The following CD226 variants were observed in gnomAD, a reference collection of about 807,000 sequenced individuals.
CD226 encodes the protein CD226 molecule, also known as CD226 antigen.
A neutral mutation model predicts 34.9 loss-of-function variants in CD226; 24 were observed. The ratio of observed to expected loss-of-function variants is 0.69; its 90% CI spans 0.50 to 0.97. The LOEUF is 0.97. Among genes scored for constraint, CD226 ranks in the 50% least tolerant of loss-of-function variants. The pLI is 0.00. For synonymous variants in CD226, 148 were observed against 147.4 expected (o/e 1.00, Z -0.03); for missense variants, 397 against 412.7 (o/e 0.96, Z 0.33).
At chr18:69,887,545 T>C (rs1315546083) in intron 3 of CD226, among the ~76,000 whole-genome samples, 1 of 152,236 alleles carries the variant, frequency 6.6e-6, no homozygotes, top group Non-Finnish European at 1.5e-5. Context: ...GCATCTACTT[T>C]TTATTTTACC....
intron 1 of CD226, chr18:69,956,495 C>A (rs1019208439): frequency 6.6e-6 from 1 of 152,170 alleles, no homozygotes; most frequent in African/African-American, 2.4e-5. Flanking sequence ...ACGATCAGAT[C>A]TATTATAAAT....
At position 69,862,084 on chromosome 18, in the gene CD226, G is replaced by A. The variant is rs1982858944; in HGVS notation, c.*2230C>T. On this transcript the variant is annotated 3_prime_UTR_variant, in exon 6 of 6. Transcript: ENST00000582621. ...AGAGACAAGTTCCAAATGTTCTGGAGGCTTTGCAATACTGCAGTGGTTTGC... is the reference window on the plus strand; with the variant it reads ...AGAGACAAGTTCCAAATGTTCTGGAAGCTTTGCAATACTGCAGTGGTTTGC... The A allele has an allele frequency of 6.6e-6, 1 of 152,114 alleles. No homozygotes were observed. The highest frequency in any genetic ancestry group is 2.4e-5 in the African/African-American group (1 of 41,428). 9.4% of individuals were successfully genotyped at this position (152,114 alleles called of 1,614,324 possible).
At chr18:69,955,286 A>C (rs961226111) in intron 1 of CD226, among the ~76,000 whole-genome samples, 1 of 152,140 alleles carries the variant, frequency 6.6e-6, no homozygotes, top group Admixed American at 6.5e-5. Context: ...GGAGTCTCCT[A>C]GTGTCTACTC....
At chr18:69,959,610 T>C (rs1264005189), upstream of CD226, among the ~76,000 whole-genome samples, 1 of 150,698 alleles carries the variant, frequency 6.6e-6, no homozygotes, top group East Asian at 2.0e-4. Flanking sequence ...TTTCTCTTTA[T>C]AGGAAAATTC....
At chr18:69,898,587 A>G (rs1016935742) in intron 2 of CD226, among the ~76,000 whole-genome samples, 1 of 152,180 alleles carries the variant, frequency 6.6e-6, no homozygotes, top group Non-Finnish European at 1.5e-5. Context: ...CCGCCTCTCA[A>G]TAGACTCAGC....
chr18:69,907,498 T>A (rs2055270195), intron 2 of CD226, among the ~76,000 whole-genome samples: 2 of 152,078 alleles, frequency 1.3e-5, no homozygotes, highest in Admixed American at 1.3e-4. Context: ...TTAGTAGAGA[T>A]GGGGTTTTGC....
At chr18:69,957,572 T>C (rs1380833340), upstream of CD226, among the ~76,000 whole-genome samples, 2 of 152,136 alleles carry the variant, frequency 1.3e-5, no homozygotes, top group Non-Finnish European at 2.9e-5. Flanking sequence ...GCTGAGGCTT[T>C]AGTGTGTAAA....
intron 2 of CD226, among the ~76,000 whole-genome samples, chr18:69,914,762 T>C (rs1457404832): frequency 2.0e-5 from 3 of 152,238 alleles, no homozygotes; most frequent in African/African-American, 7.2e-5. Context: ...TCCCAAATTC[T>C]GAGCCAAATC....
chr18:69,960,531 C>A (rs2055925155), upstream of CD226, among the ~76,000 whole-genome samples: 1 of 152,218 alleles, frequency 6.6e-6, no homozygotes, highest in African/African-American at 2.4e-5. Flanking sequence ...CTCACTGCAA[C>A]CTCCACTACC....
chr18:69,919,043 T>C (rs2055419356), intron 2 of CD226, among the ~76,000 whole-genome samples: 1 of 152,062 alleles, frequency 6.6e-6, no homozygotes, highest in Non-Finnish European at 1.5e-5. Context: ...TAGGAAATAA[T>C]GTCACTGCCA....
chr18:69,940,182 C>T (rs2055705848), intron 2 of CD226, among the ~76,000 whole-genome samples: 1 of 152,182 alleles, frequency 6.6e-6, no homozygotes, highest in Admixed American at 6.5e-5. Flanking sequence ...CTTCCCCTTC[C>T]ACCATGATTG....
At chr18:69,938,657 CATAAAAATTTG>C (rs2055685000) in intron 2 of CD226, among the ~76,000 whole-genome samples, 1 of 152,206 alleles carries the variant, frequency 6.6e-6, no homozygotes, top group Non-Finnish European at 1.5e-5. Context: ...GTCCTTGGAT[CATAAAAATTTG>C]AAACCATTGC....
chr18:69,910,574 T>C (rs947573872), intron 2 of CD226, among the ~76,000 whole-genome samples: 8 of 152,092 alleles, frequency 5.3e-5, no homozygotes, highest in African/African-American at 1.9e-4. Flanking sequence ...GGCAACTCAA[T>C]GCAATGTGGT....
intron 2 of CD226, among the ~76,000 whole-genome samples, chr18:69,930,233 T>G (rs2055572881): frequency 6.6e-6 from 1 of 152,124 alleles, no homozygotes; most frequent in African/African-American, 2.4e-5. Context: ...TGGTTTGAGA[T>G]AAATGGATAT....
rs59216052 is a variant in CD226 at position 69,861,554 on chromosome 18, G to GTGTGTATATATATATATA, written c.*2759_*2760insTATATATATATATACACA. Reference sequence around the variant, plus strand: ...ATAAATTATATGTGTATATATATATGTATATATATATATATATATGTAAAA... The same window carrying GTGTGTATATATATATATA: ...ATAAATTATATGTGTATATATATATGTGTGTATATATATATATATATATATATATATATATATGTAAAA... On this transcript the variant is annotated 3_prime_UTR_variant, in exon 6 of 6. Coordinates refer to ENST00000582621, the MANE Select transcript of CD226 (RefSeq NM_001303618.2). 4 of 127,950 alleles carry GTGTGTATATATATATATA rather than the reference G, an allele frequency of 3.1e-5. No homozygotes were observed. Among genetic ancestry groups the GTGTGTATATATATATATA allele is most frequent in the East Asian group, 4.8e-4 (2 of 4,202 alleles). 7.9% of individuals were successfully genotyped at this position (127,950 alleles called of 1,614,324 possible). A position where few individuals can be genotyped will look rare whatever the true frequency, so the allele number is the denominator to read the frequency against.
chr18:69,899,358 C>T (rs1290924523), intron 2 of CD226, among the ~76,000 whole-genome samples: 1 of 152,224 alleles, frequency 6.6e-6, no homozygotes, highest in Admixed American at 6.5e-5. Flanking sequence ...AACCCTGAGT[C>T]ATTTTACTGT....
chr18:69,913,649 G>A lies in CD226; in HGVS notation c.383-17604C>T, dbSNP rs557255382. Among the ~76,000 whole-genome samples the A allele has an allele frequency of 1.2e-4, 19 of 152,258 alleles. No homozygotes were observed. The East Asian group carries it at 3.1e-3, about 25-fold the overall frequency. On this transcript the variant is annotated intron_variant, in intron 2 of 5. Transcript: ENST00000582621. ...GTAAATTACTGTTTAAATTACAAGC[G>A]TGGGGTAAGTTGGTGCTTAGAGTAG...
At chr18:69,902,922 T>C (rs532931092) in intron 2 of CD226, among the ~76,000 whole-genome samples, 34 of 152,268 alleles carry the variant, frequency 2.2e-4, no homozygotes, top group African/African-American at 8.2e-4. Flanking sequence ...TAAGAACTTT[T>C]CTACAAACTC....
intron 3 of CD226, among the ~76,000 whole-genome samples, chr18:69,874,959 T>A (rs1983770389): frequency 6.6e-6 from 1 of 152,170 alleles, no homozygotes; most frequent in Non-Finnish European, 1.5e-5. Flanking sequence ...ATGTACCACA[T>A]TTTCTTTATC....
Sources: gnomAD v4.1 joint callset for allele counts (sites outside exome capture counted in the v4.1 genomes callset) on GRCh38, gnomAD v4.1.1 for gene constraint, MANE v1.5 for transcripts, NCBI Gene and HGNC (gene_info 2026-07-23, HGNC 2026-07-21) for gene names.